Variants in TESC observed in about 807,000 individuals in gnomAD.
TESC encodes the protein tescalcin.
TESC carries 19 observed loss-of-function variants against 31.0 expected under a neutral mutation model. The ratio of observed to expected loss-of-function variants is 0.61; its 90% CI spans 0.43 to 0.90. The LOEUF is 0.90. Ranked by LOEUF, TESC falls within the 40% of genes least tolerant of loss-of-function variation. The probability of loss-of-function intolerance (pLI) is 0.00; values close to 1 mark genes in which losing one functional copy is unlikely to be tolerated. For synonymous variants in TESC, 109 were observed against 114.8 expected (o/e 0.95, Z 0.32); for missense variants, 248 against 303.8 (o/e 0.82, Z 1.36).
chr12:117,094,709 T>G (rs761089447), intron 1 of TESC, among the ~76,000 whole-genome samples: 1 of 151,988 alleles, frequency 6.6e-6, no homozygotes, highest in Non-Finnish European at 1.5e-5. Flanking sequence ...TAATGAGCAT[T>G]CGTTTCATAA....
intron 1 of TESC, among the ~76,000 whole-genome samples, chr12:117,075,893 A>ATATATATATATATGTGTG (rs1955057125): frequency 3.7e-5 from 3 of 82,156 alleles, no homozygotes; most frequent in African/African-American, 2.1e-4. Context: ...ATATATATAT[A>ATATATATATATATGTGTG]TATATATATA....
Position 117,049,084 on chromosome 12 carries a change from A to G in TESC, c.284T>C (p.Phe95Ser). The change falls in exon 4 of 8, where the codon TTC becomes TCC. Residue 95 changes from phenylalanine to serine, a missense_variant. Physicochemically the swap from Phe to Ser is radical, Grantham distance 155. Coordinates refer to ENST00000335209, the MANE Select transcript of TESC (RefSeq NM_017899.4). Reference protein sequence around the residue: ...FEDFLTIMSYFRPIDTTMDEE... With the variant: ...FEDFLTIMSYSRPIDTTMDEE... ...GTCCATGGTGGTGTCGATGGGCCGG[A>G]AGTAGGACATGATGGTCAGGAAGTC... 6.2e-7 allele frequency: 1 copy of G among 1,614,196 alleles called. No homozygotes were observed. The highest frequency in any genetic ancestry group is 8.5e-7 in the Non-Finnish European group (1 of 1,180,028).
chr12:117,095,488 A>G (rs1955379857), intron 1 of TESC, among the ~76,000 whole-genome samples: 1 of 152,246 alleles, frequency 6.6e-6, no homozygotes, highest in Admixed American at 6.5e-5. Context: ...AAAGGCCTGA[A>G]GGTGAGAAAA....
At chr12:117,078,449 G>A (rs146413733) in intron 1 of TESC, among the ~76,000 whole-genome samples, 2,952 of 152,202 alleles carry the variant, frequency 0.019, 44 homozygotes, top group Non-Finnish European at 0.029. Flanking sequence ...CTTGGCAAGA[G>A]AACGAGACTC....
At chr12:117,085,668 G>A (rs1955210724) in intron 1 of TESC, among the ~76,000 whole-genome samples, 1 of 152,098 alleles carries the variant, frequency 6.6e-6, no homozygotes, top group Non-Finnish European at 1.5e-5. Context: ...CCCAAACACT[G>A]GGGAAATCCC....
At position 117,076,620 on chromosome 12, in the gene TESC, G is replaced by C. The variant is rs977072356; in HGVS notation, c.59-1280C>G. Among the ~76,000 whole-genome samples the C allele has an allele frequency of 2.0e-5, 3 of 152,148 alleles. No individual in the cohort carries two copies. The East Asian group carries it at 5.8e-4, about 30-fold the overall frequency. On this transcript the variant is annotated intron_variant, in intron 1 of 7. Transcript: ENST00000335209. The stretch of plus-strand genomic sequence containing the variant: ...CACCACGCCCAGCTAATTTTTATAC[G>C]TTTAGCAGAGACGGGGTTTCGCCAC...
intron 2 of TESC, among the ~76,000 whole-genome samples, chr12:117,071,104 A>G (rs7304889): frequency 0.51 from 77,616 of 152,196 alleles, 20,771 homozygotes; most frequent in African/African-American, 0.68. Context: ...CCTGGATTAC[A>G]TCAACCTAAC....
intron 6 of TESC, 39 bp from the exon 7 acceptor site, chr12:117,042,033 G>A (rs142940598): frequency 1.3e-6 from 2 of 1,574,206 alleles, no homozygotes; most frequent in Admixed American, 1.8e-5. Context: ...GAGTGGCGCA[G>A]GTCCCCACAC....
chr12:117,074,133 G>C (rs1342478655), intron 2 of TESC, among the ~76,000 whole-genome samples: 1 of 152,092 alleles, frequency 6.6e-6, no homozygotes, highest in African/African-American at 2.4e-5. Context: ...GCTAAGGCAG[G>C]AGGATCACCT....
chr12:117,071,763 C>G (rs960831978), intron 2 of TESC, among the ~76,000 whole-genome samples: 2 of 152,140 alleles, frequency 1.3e-5, no homozygotes, highest in African/African-American at 4.8e-5. Context: ...TGAGCCTGGG[C>G]AGGTGAGGCC....
intron 6 of TESC, among the ~76,000 whole-genome samples, chr12:117,043,365 T>G (rs1226336858): frequency 6.6e-6 from 1 of 151,834 alleles, no homozygotes; most frequent in African/African-American, 2.4e-5. Flanking sequence ...GTACAACGTG[T>G]GTTTAAGAAC....
At chr12:117,060,068 G>A (rs1403774684) in intron 2 of TESC, among the ~76,000 whole-genome samples, 1 of 152,180 alleles carries the variant, frequency 6.6e-6, no homozygotes, top group Non-Finnish European at 1.5e-5. Context: ...ACGGGGTGAT[G>A]GCTAACGGGT....
In TESC at chr12:117,063,053, T is replaced by C. The variant is rs530549169; in HGVS notation, c.129-6167A>G. ...GCTTCAGAATGTCCCCCTGGAGTCA[T>C]GAAGGGCTCGCGTGACATCAAGCTG... On this transcript the variant is annotated intron_variant, in intron 2 of 7. Transcript: ENST00000335209. Among the ~76,000 whole-genome samples the C allele has an allele frequency of 5.9e-5, 9 of 152,320 alleles. No homozygotes were observed. The East Asian group carries it at 1.5e-3, about 26-fold the overall frequency.
intron 1 of TESC, among the ~76,000 whole-genome samples, chr12:117,091,445 C>T (rs568461917): frequency 4.6e-5 from 7 of 152,218 alleles, no homozygotes; most frequent in African/African-American, 7.2e-5. Context: ...TAAATTTCCA[C>T]GATACATTCT....
chr12:117,076,325 A>G (rs531794965), intron 1 of TESC, among the ~76,000 whole-genome samples: 1 of 152,272 alleles, frequency 6.6e-6, no homozygotes, highest in South Asian at 2.1e-4. Flanking sequence ...AAGAAATGGA[A>G]GGACTCCAAT....
chr12:117,040,976 C>T (rs901478963), intron 7 of TESC, among the ~76,000 whole-genome samples: 9 of 133,456 alleles, frequency 6.7e-5, no homozygotes, highest in African/African-American at 2.2e-4. Context: ...TCAAGTACCC[C>T]AAAAGCACTT....
At chr12:117,048,337 C>T (rs538861376) in intron 4 of TESC, among the ~76,000 whole-genome samples, 3 of 152,226 alleles carry the variant, frequency 2.0e-5, no homozygotes. Context: ...GCCCCGCATA[C>T]ACATTCCAGT....
chr12:117,079,664 G>T (rs1312988048), intron 1 of TESC, among the ~76,000 whole-genome samples: 1 of 152,202 alleles, frequency 6.6e-6, no homozygotes, highest in African/African-American at 2.4e-5. Context: ...TGCTCAGATG[G>T]ACAAATCCTT....
chr12:117,073,548 C>T (rs993370696), intron 2 of TESC, among the ~76,000 whole-genome samples: 12 of 152,098 alleles, frequency 7.9e-5, no homozygotes, highest in African/African-American at 2.9e-4. Context: ...AGAAAGTGGA[C>T]ATTTATATGT....
Sources: gnomAD v4.1 joint callset for allele counts (sites outside exome capture counted in the v4.1 genomes callset) on GRCh38, gnomAD v4.1.1 for gene constraint, MANE v1.5 for transcripts, NCBI Gene and HGNC (gene_info 2026-07-23, HGNC 2026-07-21) for gene names.